The following GUCY1A2 variants were observed in gnomAD, a reference collection of about 807,000 sequenced individuals.
GUCY1A2 encodes guanylate cyclase soluble subunit alpha-2.
A neutral mutation model predicts 63.5 loss-of-function variants in GUCY1A2; 27 were observed. That is an observed-to-expected ratio of 0.43 (90% CI 0.31 to 0.59). The LOEUF is 0.59. GUCY1A2 is among the 20% of genes least tolerant of loss of function. The pLI, the probability that GUCY1A2 is intolerant of heterozygous loss-of-function variation, is 0.11. For synonymous variants in GUCY1A2, 364 were observed against 343.5 expected (o/e 1.06, Z -0.66); for missense variants, 768 against 913.3 (o/e 0.84, Z 2.05).
intron 4 of GUCY1A2, among the ~76,000 whole-genome samples, chr11:106,855,893 TTTTA>T (rs200600627): frequency 0.077 from 7,253 of 94,360 alleles, 206 homozygotes; most frequent in East Asian, 0.3. Context: ...GTCTCTTGTA[TTTTA>T]TTTATTTATT....
At chr11:106,797,466 A>G (rs1175728811) in intron 5 of GUCY1A2, among the ~76,000 whole-genome samples, 3 of 152,156 alleles carry the variant, frequency 2.0e-5, no homozygotes, top group African/African-American at 7.2e-5. Flanking sequence ...ACCCCAAATC[A>G]ACAAAATATA....
At chr11:106,728,227 G>A (rs904626226) in intron 6 of GUCY1A2, among the ~76,000 whole-genome samples, 10 of 151,822 alleles carry the variant, frequency 6.6e-5, no homozygotes, top group Non-Finnish European at 1.2e-4. Flanking sequence ...TTTCCTATTC[G>A]ATCTGTTAAT....
chr11:106,847,706 A>C (rs568397805), intron 4 of GUCY1A2, among the ~76,000 whole-genome samples: 1 of 151,752 alleles, frequency 6.6e-6, no homozygotes, highest in South Asian at 2.1e-4. Context: ...AGCCCTAGAA[A>C]TTTTTGAAAG....
intron 2 of GUCY1A2, among the ~76,000 whole-genome samples, chr11:106,984,025 G>C (rs1861370300): frequency 6.6e-6 from 1 of 152,152 alleles, no homozygotes; most frequent in Admixed American, 6.5e-5. Context: ...AAAGTAGAAA[G>C]ATGGAGAATA....
At chr11:106,734,723 T>C (rs1216486973) in intron 6 of GUCY1A2, among the ~76,000 whole-genome samples, 2 of 152,162 alleles carry the variant, frequency 1.3e-5, no homozygotes, top group South Asian at 2.1e-4. Flanking sequence ...GGTATTGTTG[T>C]CCATGTTTTC....
intron 4 of GUCY1A2, among the ~76,000 whole-genome samples, chr11:106,856,443 G>A (rs914516607): frequency 6.6e-6 from 1 of 151,368 alleles, no homozygotes; most frequent in African/African-American, 2.4e-5. Flanking sequence ...TTCTGAATCT[G>A]AAGCTATACG....
intron 4 of GUCY1A2, among the ~76,000 whole-genome samples, chr11:106,866,333 C>T (rs1236120969): frequency 2.6e-5 from 4 of 152,010 alleles, no homozygotes; most frequent in Non-Finnish European, 5.9e-5. Context: ...AATGGTGCTT[C>T]TCCTGTTAGA....
chr11:106,884,781 C>CA (rs552880750), intron 4 of GUCY1A2, among the ~76,000 whole-genome samples: 107 of 151,762 alleles, frequency 7.1e-4, no homozygotes, highest in African/African-American at 1.7e-3. Flanking sequence ...CATTTAAAAA[C>CA]AAAAAAAGAC....
Position 107,010,769 on chromosome 11 carries a change from C to A in GUCY1A2, c.303+6984G>T, listed in dbSNP as rs1354582865. The stretch of plus-strand genomic sequence containing the variant: ...TTTTTGAGATGGAGTATTCCTCTGT[C>A]ACCCAGGCTGGAGTGCAGTGGCATG... On this transcript the variant is annotated intron_variant, in intron 1 of 7. Transcript: ENST00000526355. Among the ~76,000 whole-genome samples the A allele has an allele frequency of 3.9e-5, 6 of 152,196 alleles. No homozygotes were observed. The East Asian group carries it at 5.8e-4, about 15-fold the overall frequency.
intron 4 of GUCY1A2, among the ~76,000 whole-genome samples, chr11:106,929,607 ATTTACC>A (rs1860575062): frequency 6.6e-6 from 1 of 152,234 alleles, no homozygotes; most frequent in South Asian, 2.1e-4. Flanking sequence ...TGATCATATT[ATTTACC>A]TTTAAAGTTT....
At chr11:106,963,965 G>C (rs529881914) in intron 3 of GUCY1A2, among the ~76,000 whole-genome samples, 6 of 151,760 alleles carry the variant, frequency 4.0e-5, no homozygotes, top group Admixed American at 2.6e-4. Flanking sequence ...TATTCATCTC[G>C]TTTCACCATT....
At chr11:106,993,193 A>C (rs1861493183) in intron 1 of GUCY1A2, among the ~76,000 whole-genome samples, 1 of 152,196 alleles carries the variant, frequency 6.6e-6, no homozygotes, top group African/African-American at 2.4e-5. Flanking sequence ...GGGGACAAGG[A>C]ACCCTTCTCA....
At chr11:106,846,322 T>G (rs1162923169) in intron 4 of GUCY1A2, among the ~76,000 whole-genome samples, 1 of 151,704 alleles carries the variant, frequency 6.6e-6, no homozygotes, top group Non-Finnish European at 1.5e-5. Flanking sequence ...CAGTGGAATT[T>G]AATTTTAAAG....
At position 106,856,306 on chromosome 11, in the gene GUCY1A2, T is replaced by A. The variant is rs190098916; in HGVS notation, c.1207-45828A>T. ...CTCCATCTCAAAAAAAGAAAAAACG[T>A]GTTAGCTAGAAGAAAATTATTCCGT... On this transcript the variant is annotated intron_variant, in intron 4 of 7. Transcript: ENST00000526355. 2.7e-3 allele frequency among the ~76,000 whole-genome samples: 414 copies of A among 152,124 alleles called. 8 individuals carry two copies. Among genetic ancestry groups the A allele is most frequent in the Non-Finnish European group, 1.7e-3 (116 of 67,988 alleles).
chr11:106,857,467 T>G (rs1202989538), intron 4 of GUCY1A2, among the ~76,000 whole-genome samples: 1 of 152,150 alleles, frequency 6.6e-6, no homozygotes, highest in Non-Finnish European at 1.5e-5. Context: ...TCAGTTGCAG[T>G]CCCCTACTTA....
chr11:106,782,869 T>C (rs1280997579), intron 5 of GUCY1A2, among the ~76,000 whole-genome samples: 1 of 152,224 alleles, frequency 6.6e-6, no homozygotes, highest in African/African-American at 2.4e-5. Flanking sequence ...CTCTACTTTT[T>C]ATCCTTCACT....
intron 6 of GUCY1A2, among the ~76,000 whole-genome samples, chr11:106,720,531 TTTCA>T (rs1345213098): frequency 9.8e-5 from 15 of 152,322 alleles, no homozygotes; most frequent in African/African-American, 3.6e-4. Context: ...AACCCTTTTT[TTTCA>T]TTATTAGAGA....
At chr11:106,734,716 A>G (rs1008835243) in intron 6 of GUCY1A2, among the ~76,000 whole-genome samples, 17 of 152,048 alleles carry the variant, frequency 1.1e-4, no homozygotes, top group African/African-American at 4.1e-4. Flanking sequence ...AGTTGGAGGT[A>G]TTGTTGTCCA....
intron 5 of GUCY1A2, among the ~76,000 whole-genome samples, chr11:106,797,053 C>A (rs1009868841): frequency 6.6e-6 from 1 of 152,124 alleles, no homozygotes; most frequent in Non-Finnish European, 1.5e-5. Context: ...ACCCTTTCTT[C>A]CAGTTGATCA....
Sources: gnomAD v4.1 joint callset for allele counts (sites outside exome capture counted in the v4.1 genomes callset) on GRCh38, gnomAD v4.1.1 for gene constraint, MANE v1.5 for transcripts, NCBI Gene and HGNC (gene_info 2026-07-23, HGNC 2026-07-21) for gene names.